The following RBFOX3 variants were observed in gnomAD, a reference collection of about 807,000 sequenced individuals.
The protein encoded by RBFOX3 is RNA binding protein fox-1 homolog 3.
In RBFOX3, 17 loss-of-function variants were observed where a neutral mutation model predicts 48.7. The ratio of observed to expected loss-of-function variants is 0.35; its 90% confidence interval spans 0.24 to 0.52. The LOEUF (loss-of-function observed/expected upper bound fraction) is 0.52, where lower values mean the gene tolerates loss of function less well. RBFOX3 is among the 20% of genes least tolerant of loss of function. RBFOX3 has a pLI of 0.94. For missense variants in RBFOX3, 382 were observed against 497.5 expected, an observed-to-expected ratio of 0.77 and a Z score of 2.21; for synonymous variants, 212 against 209.5, an observed-to-expected ratio of 1.01 and a Z score of -0.10.
At chr17:79,584,600 C>G (rs958728507) in intron 1 of RBFOX3, among the ~76,000 whole-genome samples, 4 of 151,674 alleles carry the variant, frequency 2.6e-5, no homozygotes, top group Non-Finnish European at 5.9e-5. Context: ...TAAAAAGGAA[C>G]AAAATAATGG....
intron 4 of RBFOX3, among the ~76,000 whole-genome samples, chr17:79,227,541 C>T (rs1385354390): frequency 2.0e-5 from 3 of 152,238 alleles, no homozygotes; most frequent in Non-Finnish European, 4.4e-5. Flanking sequence ...GTGGGGGACT[C>T]TGCCATAGAG....
chr17:79,619,749 C>T, the RBFOX3 span, among the ~76,000 whole-genome samples: 1 of 152,052 alleles, frequency 6.6e-6, no homozygotes, highest in African/African-American at 2.4e-5. Flanking sequence ...ACGTCCCGGA[C>T]GGACAGGGTG....
chr17:79,414,023 A>C (rs1213578567), intron 2 of RBFOX3, among the ~76,000 whole-genome samples: 3 of 151,688 alleles, frequency 2.0e-5, no homozygotes, highest in Non-Finnish European at 4.4e-5. Context: ...GGCAGAGGGG[A>C]CCCAGCTGGG....
At chr17:79,622,358 C>T in the RBFOX3 span, among the ~76,000 whole-genome samples, 1 of 152,190 alleles carries the variant, frequency 6.6e-6, no homozygotes. Context: ...ACCCTGCACC[C>T]TCCCCGGGCT....
chr17:79,344,947 G>A (rs1204633080), intron 2 of RBFOX3, among the ~76,000 whole-genome samples: 1 of 152,182 alleles, frequency 6.6e-6, no homozygotes, highest in Non-Finnish European at 1.5e-5. Flanking sequence ...CCCTCTGACT[G>A]CAAAACTCAG....
rs2146530985 is a variant in RBFOX3, at chr17:79,103,184, A to G, written c.485T>C (p.Ile162Thr). 2 of 1,551,330 alleles carry G rather than the reference A, an allele frequency of 1.3e-6. No homozygotes were observed. Among genetic ancestry groups the G allele is most frequent in the African/African-American group, 1.4e-5 (1 of 73,124 alleles). Residue 162 changes from isoleucine to threonine, a missense_variant, in exon 8 of 15, where the codon ATC (isoleucine) becomes ACC (threonine). Physicochemically the swap from Ile to Thr is moderately conservative, Grantham distance 89. This residue lies in a region of RBFOX3 where 49 missense variants were observed against 110.7 expected (regional missense o/e 0.44). Coordinates refer to ENST00000693108, the MANE Select transcript of RBFOX3 (RefSeq NM_001350451.2). This position sits in a 1 kb window ranked among gnomAD's most constrained non-coding sequence, Gnocchi z 6.1. ...DRAREKLNGT[I>T]VEGRKIEVNN... ...CACCTCAATTTTCCGTCCCTCTACGATCGTCCCATTCAGCTTCTCCCGGGC... is the reference window on the plus strand; with the variant it reads ...CACCTCAATTTTCCGTCCCTCTACGGTCGTCCCATTCAGCTTCTCCCGGGC...
At chr17:79,432,075 C>T (rs79702428) in intron 2 of RBFOX3, among the ~76,000 whole-genome samples, 121 of 152,352 alleles carry the variant, frequency 7.9e-4, no homozygotes, top group African/African-American at 2.7e-3. Flanking sequence ...GCTTCTCTTA[C>T]GGAGGCATCA....
intron 2 of RBFOX3, among the ~76,000 whole-genome samples, chr17:79,454,449 A>C (rs2074124901): frequency 2.7e-5 from 4 of 148,752 alleles, no homozygotes; most frequent in Non-Finnish European, 3.0e-5. Context: ...CACCAACCTC[A>C]CCTCTCCTGG....
At chr17:79,526,541 C>T (rs1004085903) in intron 1 of RBFOX3, among the ~76,000 whole-genome samples, 39 of 152,320 alleles carry the variant, frequency 2.6e-4, no homozygotes, top group African/African-American at 9.4e-4. Context: ...TGGACCAGGT[C>T]ATGAGATAGG....
intron 3 of RBFOX3, among the ~76,000 whole-genome samples, chr17:79,265,999 G>C (rs1220985536): frequency 6.6e-6 from 1 of 152,238 alleles, no homozygotes; most frequent in Non-Finnish European, 1.5e-5. Flanking sequence ...CATTCCCGCT[G>C]TAACAGACCT....
At chr17:79,612,482 T>G (rs1362433093), upstream of RBFOX3, among the ~76,000 whole-genome samples, 3 of 152,140 alleles carry the variant, frequency 2.0e-5, no homozygotes, top group Non-Finnish European at 4.4e-5. Context: ...CTGCCCCCCC[T>G]GCAGGGCAGC....
intron 2 of RBFOX3, among the ~76,000 whole-genome samples, chr17:79,419,278 T>C (rs573454025): frequency 6.6e-6 from 1 of 152,278 alleles, no homozygotes; most frequent in South Asian, 2.1e-4. Context: ...CATGTTGGGG[T>C]GCCACCCACT....
intron 3 of RBFOX3, among the ~76,000 whole-genome samples, chr17:79,269,648 C>T (rs922349025): frequency 2.6e-5 from 4 of 152,106 alleles, no homozygotes; most frequent in African/African-American, 9.7e-5. Flanking sequence ...GTGACCTCCC[C>T]TCCTGTTCCA....
intron 2 of RBFOX3, among the ~76,000 whole-genome samples, chr17:79,333,528 G>GA (rs1363805032): frequency 1.3e-5 from 2 of 152,290 alleles, no homozygotes; most frequent in East Asian, 1.9e-4. Context: ...GGCTGCAAGT[G>GA]AAAACCTCGC....
chr17:79,608,948 G>GCCCCCACC (rs2093905231), intron 1 of RBFOX3, among the ~76,000 whole-genome samples: 1 of 75,118 alleles, frequency 1.3e-5, no homozygotes, highest in Non-Finnish European at 2.7e-5. Context: ...CCGCCCCCAC[G>GCCCCCACC]CCCCCACCCC....
intron 1 of RBFOX3, among the ~76,000 whole-genome samples, chr17:79,493,393 G>A (rs1459896630): frequency 2.0e-5 from 3 of 152,228 alleles, no homozygotes; most frequent in Admixed American, 6.5e-5. Context: ...GAAGGAGAGC[G>A]TCAGATGCTA....
At chr17:79,152,727 C>T (rs1487332130) in intron 4 of RBFOX3, among the ~76,000 whole-genome samples, 1 of 152,198 alleles carries the variant, frequency 6.6e-6, no homozygotes, top group African/African-American at 2.4e-5. Context: ...CTGTGGGGGG[C>T]ACCGAAGCAG....
Position 79,430,970 on chromosome 17 carries a change from G to C in RBFOX3, c.-175+51484C>G, listed in dbSNP as rs145574569. On this transcript the variant is annotated intron_variant, in intron 2 of 14. Transcript: ENST00000693108. The stretch of plus-strand genomic sequence containing the variant: ...CTGCCTGTGGACATCAATTTCACCA[G>C]AAAGCATGTCTGATAGGTGCCGAAG... Among the ~76,000 whole-genome samples, 32 of 151,846 alleles carry C rather than the reference G, an allele frequency of 2.1e-4. 2 individuals carry two copies. The East Asian group carries it at 6.2e-3, about 29-fold the overall frequency.
intron 4 of RBFOX3, among the ~76,000 whole-genome samples, chr17:79,221,471 G>A (rs1283836482): frequency 1.3e-5 from 2 of 152,242 alleles, no homozygotes; most frequent in Non-Finnish European, 2.9e-5. Flanking sequence ...AGAGAGTGAT[G>A]CAGGTTGGGG....
Sources: gnomAD v4.1 joint callset for allele counts (sites outside exome capture counted in the v4.1 genomes callset) on GRCh38, gnomAD v4.1.1 for gene constraint, gnomAD v4.1.1 regional missense constraint, Gnocchi (gnomAD v3.1) non-coding constraint, MANE v1.5 for transcripts, NCBI Gene and HGNC (gene_info 2026-07-23, HGNC 2026-07-21) for gene names.